Variants in WASF1 observed in about 807,000 individuals in gnomAD.
The protein encoded by WASF1 is WASP family member 1, also known as actin-binding protein WASF1.
In WASF1, 7 loss-of-function variants were observed where a neutral mutation model predicts 50.5. The observed-to-expected ratio is 0.14, with a 90% CI of 0.08 to 0.26. WASF1 has a LOEUF of 0.26. Ranked by LOEUF, WASF1 falls within the 10% of genes least tolerant of loss-of-function variation. WASF1 has a pLI of 1.00. For synonymous variants in WASF1, 205 were observed against 244.0 expected (o/e 0.84, Z 1.49); for missense variants, 470 against 694.7 (o/e 0.68, Z 3.64).
At chr6:110,164,935 C>T (rs1177157705) in intron 2 of WASF1, among the ~76,000 whole-genome samples, 1 of 151,390 alleles carries the variant, frequency 6.6e-6, no homozygotes, top group Admixed American at 6.6e-5. Flanking sequence ...GTCAAAGAAG[C>T]GAATTTGAAA....
At chr6:110,155,536 C>CT (rs66645132) in intron 3 of WASF1, among the ~76,000 whole-genome samples, 17,180 of 46,120 alleles carry the variant, frequency 0.37, 5,015 homozygotes, top group Non-Finnish European at 0.5. Flanking sequence ...AAAGTGCCTT[C>CT]TTTTTTTTTT....
At chr6:110,130,533 C>A (rs1774617150) in intron 3 of WASF1, among the ~76,000 whole-genome samples, 1 of 152,130 alleles carries the variant, frequency 6.6e-6, no homozygotes, top group African/African-American at 2.4e-5. Flanking sequence ...TAACATTCAT[C>A]CATACTGCTC....
At chr6:110,120,486 G>GTTCTTACTTAC (rs1437488564) in intron 4 of WASF1, among the ~76,000 whole-genome samples, 1 of 152,166 alleles carries the variant, frequency 6.6e-6, no homozygotes, top group Admixed American at 6.5e-5. Context: ...CAAGGGATGT[G>GTTCTTACTTAC]AAGGACCTCT....
At chr6:110,119,411 C>A (rs1183908122) in intron 4 of WASF1, among the ~76,000 whole-genome samples, 1 of 152,168 alleles carries the variant, frequency 6.6e-6, no homozygotes, top group Non-Finnish European at 1.5e-5. Context: ...ACTATAAACA[C>A]CTCTACACAA....
intron 4 of WASF1, among the ~76,000 whole-genome samples, chr6:110,116,400 G>A (rs943577467): frequency 5.3e-5 from 8 of 152,294 alleles, no homozygotes; most frequent in East Asian, 3.9e-4. Flanking sequence ...CTGGCTCGGC[G>A]GGTCCCACGC....
intron 2 of WASF1, among the ~76,000 whole-genome samples, chr6:110,171,074 C>T (rs763240900): frequency 6.6e-6 from 1 of 152,114 alleles, no homozygotes; most frequent in Non-Finnish European, 1.5e-5. Context: ...TACCATCAAT[C>T]AACTGGATCT....
At chr6:110,170,434 G>A (rs1469742278) in intron 2 of WASF1, among the ~76,000 whole-genome samples, 1 of 152,044 alleles carries the variant, frequency 6.6e-6, no homozygotes, top group Non-Finnish European at 1.5e-5. Flanking sequence ...GTGTTGCCCA[G>A]GCTGGTGTCA....
At chr6:110,159,702 T>C (rs1216877387) in intron 3 of WASF1, among the ~76,000 whole-genome samples, 1 of 151,912 alleles carries the variant, frequency 6.6e-6, no homozygotes, top group Non-Finnish European at 1.5e-5. Flanking sequence ...TGTAATGAGA[T>C]CTCTTGGGGA....
chr6:110,105,714 G>A, intron 7 of WASF1, 135 bp from the exon 8 acceptor site: 1 of 839,656 alleles, frequency 1.2e-6, no homozygotes, highest in Non-Finnish European at 1.8e-6. Context: ...AAGTAACACA[G>A]AAATGGTTTA....
At chr6:110,164,461 G>T (rs1394361891) in intron 2 of WASF1, among the ~76,000 whole-genome samples, 1 of 151,652 alleles carries the variant, frequency 6.6e-6, no homozygotes, top group Non-Finnish European at 1.5e-5. Context: ...ATGAAAAGAT[G>T]CTCAACATCA....
At chr6:110,148,763 A>C (rs1280092764) in intron 3 of WASF1, among the ~76,000 whole-genome samples, 1 of 152,216 alleles carries the variant, frequency 6.6e-6, no homozygotes, top group Non-Finnish European at 1.5e-5. Flanking sequence ...GGCAGAATAA[A>C]TGCAGGTAGA....
At chr6:110,178,021 A>G (rs1310358906) in intron 2 of WASF1, among the ~76,000 whole-genome samples, 2 of 147,462 alleles carry the variant, frequency 1.4e-5, no homozygotes, top group Non-Finnish European at 3.0e-5. Flanking sequence ...TTCAAGTTAG[A>G]AAAAAAAAAA....
At chr6:110,150,711 G>C (rs993406644) in intron 3 of WASF1, among the ~76,000 whole-genome samples, 6 of 152,190 alleles carry the variant, frequency 3.9e-5, no homozygotes, top group African/African-American at 1.4e-4. Flanking sequence ...TTGAACTTTG[G>C]TGGTCAACAA....
At chr6:110,166,861 C>G (rs1214142927) in intron 2 of WASF1, among the ~76,000 whole-genome samples, 2 of 151,896 alleles carry the variant, frequency 1.3e-5, no homozygotes, top group African/African-American at 4.8e-5. Context: ...TGGCATATAA[C>G]ACACAAAACT....
intron 3 of WASF1, among the ~76,000 whole-genome samples, chr6:110,143,345 ATTGT>A (rs1346085965): frequency 1.3e-5 from 2 of 149,954 alleles, no homozygotes; most frequent in African/African-American, 5.0e-5. Context: ...AGAATTCTAA[ATTGT>A]TTATTTTGAT....
chr6:110,122,775 C>G (rs1260665522), intron 4 of WASF1, among the ~76,000 whole-genome samples: 1 of 152,018 alleles, frequency 6.6e-6, no homozygotes, highest in Non-Finnish European at 1.5e-5. Flanking sequence ...AGTTTATGTT[C>G]TCGGTAAGGC....
chr6:110,166,656 T>C (rs1254436180), intron 2 of WASF1, among the ~76,000 whole-genome samples: 1 of 151,908 alleles, frequency 6.6e-6, no homozygotes, highest in Non-Finnish European at 1.5e-5. Context: ...GTAGATAAAA[T>C]AGCAGTTAAA....
At chr6:110,144,315 T>C (rs1405371108) in intron 3 of WASF1, among the ~76,000 whole-genome samples, 1 of 152,162 alleles carries the variant, frequency 6.6e-6, no homozygotes, top group Non-Finnish European at 1.5e-5. Context: ...GGGTTGTTTG[T>C]TTTTTTCTTG....
At chr6:110,116,397 G>A (rs868215534) in intron 4 of WASF1, among the ~76,000 whole-genome samples, 31 of 152,078 alleles carry the variant, frequency 2.0e-4, no homozygotes, top group Admixed American at 4.6e-4. Flanking sequence ...TGCCTGGCTC[G>A]GCGGGTCCCA....
Sources: gnomAD v4.1 joint callset for allele counts (sites outside exome capture counted in the v4.1 genomes callset) on GRCh38, gnomAD v4.1.1 for gene constraint, MANE v1.5 for transcripts, NCBI Gene and HGNC (gene_info 2026-07-23, HGNC 2026-07-21) for gene names.